SNTG2: variants seen among roughly 807,000 people sequenced by gnomAD.
SNTG2 encodes the protein syntrophin gamma 2.
In SNTG2, 74 loss-of-function variants were observed where a neutral mutation model predicts 70.9. The ratio of observed to expected loss-of-function variants is 1.04; its 90% CI spans 0.86 to 1.27. The LOEUF is 1.27. Ranked by LOEUF, SNTG2 falls within the 50% of genes most tolerant of loss-of-function variation. The pLI is 0.00. For missense variants in SNTG2, 717 were observed against 690.7 expected (o/e 1.04, Z -0.43); for synonymous variants, 278 against 273.8 (o/e 1.02, Z -0.15).
chr2:958,150 G>A (rs1399504381), intron 1 of SNTG2, among the ~76,000 whole-genome samples: 1 of 152,068 alleles, frequency 6.6e-6, no homozygotes, highest in Non-Finnish European at 1.5e-5. Flanking sequence ...GGTGTGGTCC[G>A]CATGGTGGCT....
At chr2:1,275,177 C>T (rs893090740) in intron 14 of SNTG2, among the ~76,000 whole-genome samples, 1 of 152,222 alleles carries the variant, frequency 6.6e-6, no homozygotes, top group Non-Finnish European at 1.5e-5. Context: ...GCCATCATGA[C>T]CCAAATGCCC....
chr2:1,297,929 G>A (rs114506048), intron 14 of SNTG2, among the ~76,000 whole-genome samples: 302 of 152,218 alleles, frequency 2.0e-3, no homozygotes, highest in African/African-American at 6.9e-3. Context: ...TGAGCAGGGC[G>A]CGTGTTGGTC....
At chr2:1,109,301 G>A (rs1207176018) in intron 4 of SNTG2, among the ~76,000 whole-genome samples, 1 of 152,044 alleles carries the variant, frequency 6.6e-6, no homozygotes, top group Middle Eastern at 3.2e-3. Flanking sequence ...GAATTTACAT[G>A]TGGTGTTTCC....
intron 16 of SNTG2, among the ~76,000 whole-genome samples, chr2:1,354,587 G>T (rs1352671732): frequency 1.8e-5 from 1 of 56,304 alleles, no homozygotes; most frequent in African/African-American, 6.5e-5. Flanking sequence ...GGGACTGGCT[G>T]TTCCGAGGCA....
chr2:1,346,887 T>C (rs1317688745), intron 16 of SNTG2, among the ~76,000 whole-genome samples: 1 of 152,152 alleles, frequency 6.6e-6, no homozygotes, highest in Non-Finnish European at 1.5e-5. Flanking sequence ...AGCTAAGCTT[T>C]GTCTAAAGAC....
intron 16 of SNTG2, among the ~76,000 whole-genome samples, chr2:1,347,818 G>A (rs1435488269): frequency 1.3e-5 from 2 of 152,220 alleles, no homozygotes; most frequent in South Asian, 4.1e-4. Flanking sequence ...CTTGCCTGGG[G>A]CAGCTGTTTA....
At position 1,360,651 on chromosome 2, in the gene SNTG2, C is replaced by CAG. The variant is rs1553286946; in HGVS notation, c.1489-6691_1489-6690insGA. ...TCCTTTTCTTAAAAACACAAACAAA[C>CAG]AAAAAAAAAGTCTGTCCCTAGGGGA... On this transcript the variant is annotated intron_variant, in intron 16 of 16. Transcript: ENST00000308624. Among the ~76,000 whole-genome samples, 4 of 151,046 alleles carry CAG rather than the reference C, an allele frequency of 2.6e-5. No homozygotes were observed. In the East Asian group the frequency reaches 7.8e-4, roughly 30 times the overall value.
intron 4 of SNTG2, among the ~76,000 whole-genome samples, chr2:1,100,573 T>TAAA (rs1298445944): frequency 1.3e-5 from 2 of 152,188 alleles, no homozygotes; most frequent in Non-Finnish European, 2.9e-5. Flanking sequence ...CCCAGTGCTT[T>TAAA]GGCTCATATA....
chr2:1,188,305 A>C (rs1180462270), intron 8 of SNTG2, among the ~76,000 whole-genome samples: 1 of 152,228 alleles, frequency 6.6e-6, no homozygotes, highest in African/African-American at 2.4e-5. Flanking sequence ...AAAACCTGAA[A>C]ATAGAAAATA....
intron 2 of SNTG2, among the ~76,000 whole-genome samples, chr2:1,089,887 C>T (rs1351811757): frequency 6.6e-6 from 1 of 152,172 alleles, no homozygotes; most frequent in African/African-American, 2.4e-5. Context: ...TATATGCCAA[C>T]ATAGCACTAG....
At position 1,316,373 on chromosome 2, in the gene SNTG2, A is replaced by G; in HGVS notation, c.1486A>G (p.Lys496Glu). 4.0e-6 allele frequency: 6 copies of G among 1,487,114 alleles called. No homozygotes were observed. The highest frequency in any genetic ancestry group is 5.5e-6 in the Non-Finnish European group (6 of 1,088,678). 92.1% of individuals were successfully genotyped at this position (1,487,114 alleles called of 1,614,324 possible). Residue 496 changes from lysine (K) to glutamate (E), a missense_variant and splice_region_variant, in exon 16 of 17, where the codon AAG becomes GAG. Coordinates refer to ENST00000308624, the MANE Select transcript of SNTG2 (RefSeq NM_018968.4). ...QNLDTKQIET[K>E]ELEFQDLRAV... ...TCTGGACACCAAACAGATTGAGACG[A>G]AGGTATGCGGCATGGGGCATGGGTT...
intron 9 of SNTG2, among the ~76,000 whole-genome samples, chr2:1,214,796 A>G (rs1263933255): frequency 6.6e-6 from 1 of 152,142 alleles, no homozygotes; most frequent in African/African-American, 2.4e-5. Flanking sequence ...GAGAGTGCAC[A>G]TATTTATCTT....
intron 14 of SNTG2, among the ~76,000 whole-genome samples, chr2:1,273,855 T>G (rs987339055): frequency 7.9e-5 from 12 of 151,972 alleles, no homozygotes; most frequent in Admixed American, 7.2e-4. Flanking sequence ...ACTGCTAATA[T>G]AATGAAGAGA....
At chr2:991,935 T>A (rs1311080264) in intron 1 of SNTG2, among the ~76,000 whole-genome samples, 1 of 152,206 alleles carries the variant, frequency 6.6e-6, no homozygotes, top group Non-Finnish European at 1.5e-5. Context: ...TAAGTGATGC[T>A]GTGCTCACCT....
At chr2:1,144,618 G>A (rs778312798) in intron 6 of SNTG2, among the ~76,000 whole-genome samples, 10 of 152,166 alleles carry the variant, frequency 6.6e-5, no homozygotes, top group Admixed American at 3.3e-4. Flanking sequence ...CAGAATCATG[G>A]TGGAAGGCGA....
chr2:1,255,843 A>AATATATATAAAT (rs1678036208), intron 12 of SNTG2, among the ~76,000 whole-genome samples: 1 of 32,434 alleles, frequency 3.1e-5, no homozygotes, highest in African/African-American at 1.5e-4. Context: ...AATATATATA[A>AATATATATAAAT]ATATATATAA....
At chr2:1,260,395 T>G (rs1678353036) in intron 13 of SNTG2, among the ~76,000 whole-genome samples, 2 of 152,256 alleles carry the variant, frequency 1.3e-5, no homozygotes, top group African/African-American at 4.8e-5. Flanking sequence ...TTTTGAAAAA[T>G]TTATTTGGGC....
At chr2:1,043,086 T>A (rs987566423) in intron 1 of SNTG2, among the ~76,000 whole-genome samples, 2 of 152,156 alleles carry the variant, frequency 1.3e-5, no homozygotes, top group African/African-American at 4.8e-5. Context: ...GATGATATCT[T>A]GCTGTGGTTT....
At chr2:1,240,076 A>C (rs1676949703) in intron 11 of SNTG2, among the ~76,000 whole-genome samples, 1 of 152,330 alleles carries the variant, frequency 6.6e-6, no homozygotes, top group East Asian at 1.9e-4. Context: ...ATGATGATTT[A>C]GATATGATTG....
Sources: allele counts gnomAD v4.1 joint callset (sites outside exome capture counted in the v4.1 genomes callset), GRCh38; gene constraint gnomAD v4.1.1; transcripts MANE v1.5; gene names NCBI Gene and HGNC (gene_info 2026-07-23, HGNC 2026-07-21).